The following CCNB1 variants were observed in gnomAD, a reference collection of about 807,000 sequenced individuals.
CCNB1 encodes cyclin B1, also known as G2/mitotic-specific cyclin-B1.
In CCNB1, 26 loss-of-function variants were observed where a neutral mutation model predicts 44.4. That is an observed-to-expected ratio of 0.59 (90% CI 0.43 to 0.81). The LOEUF (loss-of-function observed/expected upper bound fraction) is 0.81. Ranked by LOEUF, CCNB1 falls within the 40% of genes least tolerant of loss-of-function variation. The pLI, the probability that CCNB1 is intolerant of heterozygous loss-of-function variation, is 0.00. For missense variants in CCNB1, 477 were observed against 520.9 expected (o/e 0.92, Z 0.82); for synonymous variants, 195 against 181.4 (o/e 1.08, Z -0.60).
chr5:69,175,599 C>G (rs1747567490), intron 7 of CCNB1, 62 bp downstream of exon 7: 1 of 1,509,846 alleles, frequency 6.6e-7, no homozygotes. Context: ...AAATACAGAA[C>G]TTTTGTTATT....
intron 6 of CCNB1, 97 bp from the exon 7 acceptor site, chr5:69,175,300 A>T: frequency 8.4e-7 from 1 of 1,196,308 alleles, no homozygotes; most frequent in Non-Finnish European, 1.2e-6. Flanking sequence ...GAGAGTTTGT[A>T]GACAAACATT....
rs140647573 is a variant in CCNB1 at position 69,174,244 on chromosome 5, T to G, written c.547-7T>G. On this transcript the variant is annotated splice_polypyrimidine_tract_variant and splice_region_variant and intron_variant, in intron 4 of 8. Transcript: ENST00000256442. Reference sequence around the variant, plus strand: ...TTTCTAAGAATAATCAGCATTTTCTTTTGCAGGAAGAGCAAGCAGTCAGAC... The same window carrying G: ...TTTCTAAGAATAATCAGCATTTTCTGTTGCAGGAAGAGCAAGCAGTCAGAC... The G allele has an allele frequency of 1.8e-4, 287 of 1,612,992 alleles. 1 individual carries two copies. In the East Asian group the frequency reaches 5.9e-3, roughly 33 times the overall value.
intron 4 of CCNB1, among the ~76,000 whole-genome samples, chr5:69,173,008 C>T (rs922457788): frequency 4.0e-5 from 6 of 151,662 alleles, no homozygotes; most frequent in African/African-American, 1.5e-4. Flanking sequence ...CTCCTGACCT[C>T]ATGATCCACC....
chr5:69,176,014 T>C (rs999756613), intron 7 of CCNB1, among the ~76,000 whole-genome samples: 9 of 134,948 alleles, frequency 6.7e-5, no homozygotes, highest in South Asian at 2.3e-4. Flanking sequence ...TATATATATA[T>C]ACAGGCACAC....
intron 6 of CCNB1, 47 bp downstream of exon 6, chr5:69,175,160 A>G (rs770240720): frequency 7.3e-7 from 1 of 1,364,952 alleles, no homozygotes; most frequent in Non-Finnish European, 1.0e-6. Flanking sequence ...ATTAGGGGGA[A>G]CACTGCTGCT....
chr5:69,169,131 C>T (rs887109694), intron 3 of CCNB1, among the ~76,000 whole-genome samples: 1 of 151,732 alleles, frequency 6.6e-6, no homozygotes. Context: ...AGTGCAGTGG[C>T]GTGATCTTGG....
At chr5:69,175,895 C>G (rs1379386849) in intron 7 of CCNB1, among the ~76,000 whole-genome samples, 4 of 151,002 alleles carry the variant, frequency 2.6e-5, no homozygotes, top group African/African-American at 7.3e-5. Flanking sequence ...CACATGAACA[C>G]CAAATCATCA....
In CCNB1 at chr5:69,171,354, A is replaced by G. The variant is rs1747455797; in HGVS notation, c.448A>G (p.Ile150Val). The G allele has an allele frequency of 2.5e-6, 4 of 1,614,106 alleles. No homozygotes were observed. In the East Asian group the frequency reaches 8.9e-5, roughly 36 times the overall value. The change falls in exon 4 of 9, where the codon ATT (isoleucine) becomes GTT (valine). Residue 150 changes from isoleucine (I) to valine (V), a missense_variant. By Grantham distance (29) the Ile-to-Val change is conservative. Transcript: ENST00000256442. ...EDLCQAFSDVILAVNDVDAED... is the reference protein window; with the variant it reads ...EDLCQAFSDVVLAVNDVDAED... The stretch of plus-strand genomic sequence containing the variant: ...CCTGTGTCAGGCTTTCTCTGATGTA[A>G]TTCTTGCAGTAAATGATGTGGATGC...
intron 7 of CCNB1, among the ~76,000 whole-genome samples, chr5:69,176,388 T>G (rs1364248993): frequency 4.0e-5 from 6 of 151,466 alleles, no homozygotes; most frequent in Non-Finnish European, 8.8e-5. Context: ...ACGGAGTCTC[T>G]CTCTGTCGCC....
At chr5:69,174,491 C>A in intron 5 of CCNB1, 82 bp downstream of exon 5, 1 of 1,342,942 alleles carries the variant, frequency 7.4e-7, no homozygotes, top group Non-Finnish European at 1.0e-6. Context: ...AGTCTGGGCG[C>A]AGTGGCTCAT....
At position 69,177,656 on chromosome 5, in the gene CCNB1, A is replaced by G. The variant is rs547452102; in HGVS notation, c.*25A>G. ...ACTTGTAAACTTGAGTTGGAGTACT[A>G]TATTTACAAATAAAATTGGCACCAT... On this transcript the variant is annotated 3_prime_UTR_variant, in exon 9 of 9. Coordinates refer to ENST00000256442, the MANE Select transcript of CCNB1 (RefSeq NM_031966.4). 8 of 1,375,000 alleles carry G rather than the reference A, an allele frequency of 5.8e-6. No homozygotes were observed. Among genetic ancestry groups the G allele is most frequent in the Non-Finnish European group, 8.2e-6 (8 of 969,760 alleles). The allele number at this position is 1,375,000 out of a possible 1,614,324, so 85.2% of individuals were successfully genotyped here. A position where few individuals can be genotyped will look rare whatever the true frequency, so the allele number is the denominator to read the frequency against.
At position 69,168,288 on chromosome 5, in the gene CCNB1, C is replaced by T. The variant is rs768849718; in HGVS notation, c.308C>T (p.Pro103Leu). 1 of 1,613,080 alleles carries T rather than the reference C, an allele frequency of 6.2e-7. No individual in the cohort carries two copies. Among genetic ancestry groups the T allele is most frequent in the South Asian group, 1.1e-5 (1 of 91,050 alleles). ...TCTGAGCCAGTGCCAGAGCCAGAACCTGAGCCAGAACCTGAGCCTGTTAAA... is the reference window on the plus strand; with the variant it reads ...TCTGAGCCAGTGCCAGAGCCAGAACTTGAGCCAGAACCTGAGCCTGTTAAA... The part of the protein sequence containing the change: ...PVSEPVPEPE[P>L]EPEPEPVKEE... The change falls in exon 3 of 9, where the codon CCT (proline) becomes CTT (leucine). Residue 103 changes from proline to leucine, a missense_variant. Transcript: ENST00000256442.
At chr5:69,176,969 CAAA>C (rs908578240) in intron 7 of CCNB1, 46 of 211,748 alleles carry the variant, frequency 2.2e-4, no homozygotes, top group South Asian at 7.5e-4. Context: ...GACTCCATCT[CAAA>C]AAAAAAAAAA....
At chr5:69,174,515 G>C in intron 5 of CCNB1, 106 bp downstream of exon 5, 1 of 1,027,708 alleles carries the variant, frequency 9.7e-7, no homozygotes, top group African/African-American at 1.6e-5. Context: ...TGTAATCCCA[G>C]CGGGCGGGTG....
At position 69,177,593 on chromosome 5, in the gene CCNB1, C is replaced by A; in HGVS notation, c.1264C>A (p.Leu422Ile). 1 of 1,613,336 alleles carries A rather than the reference C, an allele frequency of 6.2e-7. No individual in the cohort carries two copies. The highest frequency in any genetic ancestry group is 8.5e-7 in the Non-Finnish European group (1 of 1,179,288). Reference sequence around the variant, plus strand: ...CACTCTACCACAGCTGAATTCTGCACTAGTTCAAGATTTAGCCAAGGCTGT... The same window carrying A: ...CACTCTACCACAGCTGAATTCTGCAATAGTTCAAGATTTAGCCAAGGCTGT... ...ISTLPQLNSA[L>I]VQDLAKAVAK... The change falls in exon 9 of 9, where the codon CTA becomes ATA. Residue 422 changes from leucine to isoleucine, a missense_variant. Physicochemically the swap from Leu to Ile is conservative, Grantham distance 5. Coordinates refer to ENST00000256442, the MANE Select transcript of CCNB1 (RefSeq NM_031966.4).
At position 69,168,208 on chromosome 5, in the gene CCNB1, TAAAAAACTACCA is replaced by T; in HGVS notation, c.232_243del (p.Lys78_Lys81del). On this transcript the variant is annotated inframe_deletion, in exon 3 of 9. Coordinates refer to ENST00000256442, the MANE Select transcript of CCNB1 (RefSeq NM_031966.4). ...CTTCAGCTACTGGAAAAGTCATTGA[TAAAAAACTACCA>T]AAACCTCTTGAAAAGGTACCTATGC... 7 of 1,614,180 alleles carry T rather than the reference TAAAAAACTACCA, an allele frequency of 4.3e-6. No homozygotes were observed. Among genetic ancestry groups the T allele is most frequent in the Non-Finnish European group, 5.9e-6 (7 of 1,180,028 alleles).
rs1174026618 is a variant in CCNB1, at chr5:69,177,363, G to C, written c.1194+14G>C. 1 of 1,521,408 alleles carries C rather than the reference G, an allele frequency of 6.6e-7. No homozygotes were observed. The highest frequency in any genetic ancestry group is 1.7e-5 in the Admixed American group (1 of 59,514). 94.2% of individuals were successfully genotyped at this position (1,521,408 alleles called of 1,614,324 possible). On this transcript the variant is annotated intron_variant, in intron 8 of 8. Transcript: ENST00000256442. Reference sequence around the variant, plus strand: ...ACAAAGCACATGGTGAGTCAATATAGTGGCATTGTAAGATGCTGAAAAGTG... The same window carrying C: ...ACAAAGCACATGGTGAGTCAATATACTGGCATTGTAAGATGCTGAAAAGTG...
intron 3 of CCNB1, 92 bp from the exon 4 acceptor site, chr5:69,171,178 C>A: frequency 1.2e-6 from 1 of 820,132 alleles, no homozygotes; most frequent in Non-Finnish European, 1.9e-6. Context: ...CAGCAGAATA[C>A]TAGCTTGAGT....
chr5:69,168,865 A>G (rs937945528), intron 3 of CCNB1, among the ~76,000 whole-genome samples: 3 of 152,228 alleles, frequency 2.0e-5, no homozygotes, highest in African/African-American at 7.2e-5. Context: ...GCAACTTTTC[A>G]GGGAGTGGTT....
Sources: gnomAD v4.1 joint callset for allele counts (sites outside exome capture counted in the v4.1 genomes callset) on GRCh38, gnomAD v4.1.1 for gene constraint, MANE v1.5 for transcripts, NCBI Gene and HGNC (gene_info 2026-07-23, HGNC 2026-07-21) for gene names.